PIGV: variants seen among roughly 807,000 people sequenced by gnomAD.
The protein encoded by PIGV is phosphatidylinositol glycan anchor biosynthesis class V.
Under a neutral mutation model 39.2 loss-of-function variants are expected in PIGV, and 27 were observed. The observed-to-expected ratio is 0.69, with a 90% CI of 0.51 to 0.95. PIGV has a LOEUF of 0.95. PIGV is among the 40% of genes least tolerant of loss of function. PIGV has a pLI of 0.00. For synonymous variants in PIGV, 232 were observed against 241.7 expected, an observed-to-expected ratio of 0.96 and a Z score of 0.37; for missense variants, 523 against 586.4, an observed-to-expected ratio of 0.89 and a Z score of 1.12.
chr1:26,790,984 G>T, intron 2 of PIGV, 91 bp downstream of exon 2: 1 of 1,065,516 alleles, frequency 9.4e-7, no homozygotes. Flanking sequence ...CCACCTCTCA[G>T]GTGTGCCCCT....
chr1:26,795,123 C>G lies in PIGV; in HGVS notation c.1089C>G (p.Asn363Lys). ...CACTTGGGCTGCAAAGGAGCAAGAACAATAAGACCCTAGAGAAGCCCGATC... is the reference window on the plus strand; with the variant it reads ...CACTTGGGCTGCAAAGGAGCAAGAAGAATAAGACCCTAGAGAAGCCCGATC... ...CLTLGLQRSK[N>K]NKTLEKPDLG... The change falls in exon 3 of 4, where the codon AAC (asparagine) becomes AAG (lysine). Residue 363 changes from asparagine to lysine, a missense_variant. By Grantham distance (94) the Asn-to-Lys change is moderately conservative. Coordinates refer to ENST00000674202, the MANE Select transcript of PIGV (RefSeq NM_017837.4). The G allele has an allele frequency of 6.2e-7, 1 of 1,614,130 alleles. No homozygotes were observed.
Position 26,800,563 on chromosome 1 carries a change from G to GT in PIGV, c.*2720dup, listed in dbSNP as rs1179319063. Among the ~76,000 whole-genome samples, 2 of 152,130 alleles carry GT rather than the reference G, an allele frequency of 1.3e-5. No homozygotes were observed. The highest frequency in any genetic ancestry group is 2.9e-5 in the Non-Finnish European group (2 of 68,014). On this transcript the variant is annotated 3_prime_UTR_variant, in exon 4 of 4. Transcript: ENST00000674202. Reference sequence around the variant, plus strand: ...GACCCTCTCACTGTCATCTGAAAATGTAATATGTGCAGGCTCAAGGGATTT... The same window carrying GT: ...GACCCTCTCACTGTCATCTGAAAATGTTAATATGTGCAGGCTCAAGGGATTT...
rs1215829532 is a variant in PIGV, at chr1:26,799,285, A to G, written c.*1441A>G. On this transcript the variant is annotated 3_prime_UTR_variant, in exon 4 of 4. Coordinates refer to ENST00000674202, the MANE Select transcript of PIGV (RefSeq NM_017837.4). Reference sequence around the variant, plus strand: ...CCAACACGGCGGCAGGAATTGGTAAATTGTACGTAAGTCCAAGGTGGAATG... The same window carrying G: ...CCAACACGGCGGCAGGAATTGGTAAGTTGTACGTAAGTCCAAGGTGGAATG... Among the ~76,000 whole-genome samples, 2 of 152,154 alleles carry G rather than the reference A, an allele frequency of 1.3e-5. No individual in the cohort carries two copies. Among genetic ancestry groups the G allele is most frequent in the Non-Finnish European group, 2.9e-5 (2 of 68,016 alleles).
chr1:26,790,376 A>G (rs1364725253), intron 1 of PIGV, among the ~76,000 whole-genome samples: 3 of 148,302 alleles, frequency 2.0e-5, no homozygotes, highest in South Asian at 2.1e-4. Flanking sequence ...GTGAGATAGG[A>G]AAAAAAAAAA....
chr1:26,794,168 G>T lies in PIGV; in HGVS notation c.134G>T (p.Arg45Leu). 1 of 1,614,050 alleles carries T rather than the reference G, an allele frequency of 6.2e-7. No individual in the cohort carries two copies. ...CATGCAGAAGCCTTCTCTCCTCCTC[G>T]CCTGGCCCCCTCAGGCTTTGTGGAC... ...DHHAEAFSPPRLAPSGFVDQL... is the reference protein window; with the variant it reads ...DHHAEAFSPPLLAPSGFVDQL... The change falls in exon 3 of 4, where the codon CGC becomes CTC. Residue 45 changes from arginine (R) to leucine (L), a missense_variant. Arg to Leu is a moderately radical substitution (Grantham distance 102). Transcript: ENST00000674202.
At chr1:26,789,051 A>C (rs1236923450) in intron 1 of PIGV, 3 of 152,194 alleles carry the variant, frequency 2.0e-5, no homozygotes, top group Non-Finnish European at 4.4e-5. Context: ...TGCTTTTCTG[A>C]TCCCAGCTTC....
Position 26,794,458 on chromosome 1 carries a change from T to G in PIGV, c.424T>G (p.Leu142Val). 1.9e-6 allele frequency: 3 copies of G among 1,614,256 alleles called. No homozygotes were observed. In the South Asian group the frequency reaches 3.3e-5, roughly 18 times the overall value. ...VALHDLGCLV[L>V]HCPHQSFYAA... The stretch of plus-strand genomic sequence containing the variant: ...ACTTCATGACCTGGGTTGTCTGGTT[T>G]TGCACTGTCCCCACCAGTCCTTTTA... Residue 142 changes from leucine (L) to valine (V), a missense_variant, in exon 3 of 4, where the codon TTG (leucine) becomes GTG (valine). By Grantham distance (32) the Leu-to-Val change is conservative. Transcript: ENST00000674202.
In PIGV at chr1:26,797,962, C is replaced by T. The variant is rs1570650002; in HGVS notation, c.*118C>T. ...CATTACTGTGTCCATTATAATCTTT[C>T]TCTTTCTCTTTGAAAGCTGGTCAGG... On this transcript the variant is annotated 3_prime_UTR_variant, in exon 4 of 4. Coordinates refer to ENST00000674202, the MANE Select transcript of PIGV (RefSeq NM_017837.4). The T allele has an allele frequency of 1.1e-6, 1 of 942,880 alleles. No individual in the cohort carries two copies. The highest frequency in any genetic ancestry group is 2.4e-5 in the East Asian group (1 of 40,920). The allele number at this position is 942,880 out of a possible 1,614,324, so 58.4% of individuals were successfully genotyped here.
chr1:26,795,306 A>T, intron 3 of PIGV, 72 bp downstream of exon 3: 2 of 1,544,924 alleles, frequency 1.3e-6, no homozygotes, highest in Non-Finnish European at 1.8e-6. Flanking sequence ...CAGGGAAGGC[A>T]GCTAACATCT....
At chr1:26,797,422 G>A (rs2081398263) in intron 3 of PIGV, 141 bp from the exon 4 acceptor site, 3 of 758,134 alleles carry the variant, frequency 4.0e-6, no homozygotes. Context: ...CCTAAGCTGT[G>A]TTCAATTTCT....
chr1:26,792,556 T>C (rs2081326063), intron 2 of PIGV, among the ~76,000 whole-genome samples: 1 of 152,074 alleles, frequency 6.6e-6, no homozygotes, highest in African/African-American at 2.4e-5. Context: ...CTCGAACTCC[T>C]GACCTCGTGA....
intron 2 of PIGV, among the ~76,000 whole-genome samples, chr1:26,793,636 C>T (rs1256642852): frequency 6.6e-6 from 1 of 152,172 alleles, no homozygotes; most frequent in Non-Finnish European, 1.5e-5. Flanking sequence ...GGGTCTCATG[C>T]TGTCACCCAG....
At chr1:26,792,369 G>A (rs537601607) in intron 2 of PIGV, among the ~76,000 whole-genome samples, 30 of 148,394 alleles carry the variant, frequency 2.0e-4, no homozygotes, top group African/African-American at 7.0e-4. Flanking sequence ...CGCCCAGGCC[G>A]GACTGCGGAC....
In PIGV at chr1:26,794,359, C is replaced by T. The variant is rs2124194011; in HGVS notation, c.325C>T (p.Leu109=). The T allele has an allele frequency of 6.2e-7, 1 of 1,614,274 alleles. No individual in the cohort carries two copies. Among genetic ancestry groups the T allele is most frequent in the Non-Finnish European group, 8.5e-7 (1 of 1,180,036 alleles). The change falls in exon 3 of 4, where the codon CTG becomes TTG. Residue 109 remains leucine (L), a synonymous_variant. Transcript: ENST00000674202. The part of the protein sequence containing the change: ...TELLRPLRGL[L]SLRSCLLISV... ...ACTGTTGAGACCCTTACGGGGGTTACTGAGTCTACGCAGTTGCCTGCTGAT... is the reference window on the plus strand; with the variant it reads ...ACTGTTGAGACCCTTACGGGGGTTATTGAGTCTACGCAGTTGCCTGCTGAT...
At chr1:26,797,368 T>C (rs2081397204) in intron 3 of PIGV, among the ~76,000 whole-genome samples, 195 bp from the exon 4 acceptor site, 1 of 152,234 alleles carries the variant, frequency 6.6e-6, no homozygotes. Flanking sequence ...ATTTGTAATA[T>C]GGAGGATGCC....
At chr1:26,791,012 C>A in intron 2 of PIGV, 119 bp downstream of exon 2, 1 of 813,076 alleles carries the variant, frequency 1.2e-6, no homozygotes, top group South Asian at 1.4e-5. Flanking sequence ...GTTGGAACCA[C>A]AGAGACATAG....
At chr1:26,793,803 C>A (rs914500224) in intron 2 of PIGV, among the ~76,000 whole-genome samples, 3 of 152,122 alleles carry the variant, frequency 2.0e-5, no homozygotes, top group African/African-American at 7.2e-5. Flanking sequence ...GAGACAAGGT[C>A]TTGCTACGTT....
Position 26,794,204 on chromosome 1 carries a change from A to C in PIGV, c.170A>C (p.Glu57Ala). The C allele has an allele frequency of 6.2e-7, 1 of 1,614,134 alleles. No individual in the cohort carries two copies. The highest frequency in any genetic ancestry group is 8.5e-7 in the Non-Finnish European group (1 of 1,180,026). ...APSGFVDQLV[E>A]GLLGGLSHWD... ...TCAGGCTTTGTGGACCAACTCGTGG[A>C]AGGTCTTCTGGGCGGCCTGTCTCAC... The change falls in exon 3 of 4, where the codon GAA (glutamate) becomes GCA (alanine). Residue 57 changes from glutamate (E) to alanine (A), a missense_variant. Coordinates refer to ENST00000674202, the MANE Select transcript of PIGV (RefSeq NM_017837.4).
chr1:26,789,146 T>G (rs1016148344), intron 1 of PIGV: 10 of 152,226 alleles, frequency 6.6e-5, no homozygotes, highest in African/African-American at 2.2e-4. Context: ...CGCGTGAGGT[T>G]GAGTATGCCC....
Sources: allele counts gnomAD v4.1 joint callset (sites outside exome capture counted in the v4.1 genomes callset), GRCh38; gene constraint gnomAD v4.1.1; transcripts MANE v1.5; gene names NCBI Gene and HGNC (gene_info 2026-07-23, HGNC 2026-07-21).